The following LGALS8 variants were observed in gnomAD, a reference collection of about 807,000 sequenced individuals.
LGALS8 encodes the protein galectin-8.
LGALS8 carries 30 observed loss-of-function variants against 35.9 expected under a neutral mutation model. The ratio of observed to expected loss-of-function variants is 0.83; its 90% CI spans 0.62 to 1.13. The LOEUF is 1.13. Ranked by LOEUF, LGALS8 falls within the 50% of genes most tolerant of loss-of-function variation. The pLI is 0.00. For synonymous variants in LGALS8, 138 were observed against 136.1 expected (o/e 1.01, Z -0.10); for missense variants, 366 against 388.7 (o/e 0.94, Z 0.49).
chr1:236,551,853 T>C lies in LGALS8; in HGVS notation c.*3692T>C. 2 of 603,200 alleles carry C rather than the reference T, an allele frequency of 3.3e-6. No homozygotes were observed. The highest frequency in any genetic ancestry group is 5.8e-6 in the Non-Finnish European group (2 of 342,504). The allele number at this position is 603,200 out of a possible 1,614,324, so 37.4% of individuals were successfully genotyped here. A position where few individuals can be genotyped will look rare whatever the true frequency, so the allele number is the denominator to read the frequency against. ...AAACAGGAGCTCGAGCCTGCCTGTA[T>C]TTGAGACTGGAGCTGCCTGTATGAG... is the stretch of plus-strand genomic sequence containing the variant. On this transcript the variant is annotated 3_prime_UTR_variant, in exon 10 of 10. Coordinates refer to ENST00000366584, the MANE Select transcript of LGALS8 (RefSeq NM_201544.4).
intron 2 of LGALS8, among the ~76,000 whole-genome samples, chr1:236,529,647 CTTT>C (rs780751484): frequency 9.4e-6 from 1 of 106,072 alleles, no homozygotes; most frequent in African/African-American, 3.6e-5. Context: ...TCTTTCTTCT[CTTT>C]TTTTTTTTTT....
At position 236,548,511 on chromosome 1, in the gene LGALS8, G is replaced by C. The variant is rs191806318; in HGVS notation, c.*350G>C. ...AGATTTTTTTTGGTAAAACTGTGAA[G>C]AGCTAGGATATATACTTGGTGAAAC... On this transcript the variant is annotated 3_prime_UTR_variant, in exon 10 of 10. Transcript: ENST00000366584. 3 of 272,478 alleles carry C rather than the reference G, an allele frequency of 1.1e-5. No homozygotes were observed. The highest frequency in any genetic ancestry group is 8.5e-5 in the South Asian group (1 of 11,732). The allele number at this position is 272,478 out of a possible 1,614,324, so 16.9% of individuals were successfully genotyped here. A position where few individuals can be genotyped will look rare whatever the true frequency, so the allele number is the denominator to read the frequency against.
chr1:236,542,431 G>A (rs1662061521), intron 6 of LGALS8: 1 of 340,102 alleles, frequency 2.9e-6, no homozygotes, highest in South Asian at 4.3e-5. Flanking sequence ...AGTGAGCCAT[G>A]ATTGAGCCAC....
intron 7 of LGALS8, chr1:236,542,998 T>A: frequency 6.2e-7 from 1 of 1,614,180 alleles, no homozygotes; most frequent in Admixed American, 1.7e-5. Flanking sequence ...TCAATCACAC[T>A]TTGACTTGCA....
upstream of LGALS8, among the ~76,000 whole-genome samples, chr1:236,518,654 A>G (rs1231727018): frequency 6.6e-6 from 1 of 152,044 alleles, no homozygotes; most frequent in Non-Finnish European, 1.5e-5. Flanking sequence ...TTGCTTTCAC[A>G]TATTTTTTTT....
chr1:236,525,908 G>C, intron 1 of LGALS8, 60 bp from the exon 2 acceptor site: 1 of 497,718 alleles, frequency 2.0e-6, no homozygotes. Flanking sequence ...TTTTAAAATA[G>C]GATATGAAGA....
chr1:236,544,165 C>T (rs1373379697), intron 8 of LGALS8, among the ~76,000 whole-genome samples: 1 of 152,140 alleles, frequency 6.6e-6, no homozygotes, highest in Non-Finnish European at 1.5e-5. Flanking sequence ...GTTGGCCAGG[C>T]TGGTCTGGAA....
intron 5 of LGALS8, 63 bp from the exon 6 acceptor site, chr1:236,541,588 ATAT>A (rs144376212): frequency 2.5e-6 from 2 of 798,644 alleles, no homozygotes; most frequent in East Asian, 3.0e-5. Context: ...TTATATGTCA[ATAT>A]AAAATATTTA....
Position 236,526,678 on chromosome 1 carries a change from C to G in LGALS8, c.45+563C>G, listed in dbSNP as rs1290764209. Among the ~76,000 whole-genome samples, 1 of 152,098 alleles carries G rather than the reference C, an allele frequency of 6.6e-6. No individual in the cohort carries two copies. Among genetic ancestry groups the G allele is most frequent in the African/African-American group, 2.4e-5 (1 of 41,402 alleles). On this transcript the variant is annotated intron_variant, in intron 2 of 9. Transcript: ENST00000366584. The surrounding 1 kb of genome is among the most constrained non-coding windows in gnomAD (Gnocchi z 4.6). ...CCCTGTAATCCTGAGCAGTAAAGAG[C>G]TTGTTTTAGTTTTATGTGGTGGTGA...
intron 9 of LGALS8, 61 bp from the exon 10 acceptor site, chr1:236,547,951 T>TAACA (rs1395828702): frequency 4.8e-6 from 7 of 1,463,142 alleles, no homozygotes; most frequent in East Asian, 4.5e-5. Context: ...CGTTAGCATG[T>TAACA]AACAAACACA....
chr1:236,525,389 A>G (rs1394159187), intron 1 of LGALS8: 1 of 144,650 alleles, frequency 6.9e-6, no homozygotes. Flanking sequence ...ATTAGTATTT[A>G]CCATTAATTA....
intron 6 of LGALS8, among the ~76,000 whole-genome samples, chr1:236,542,094 A>T (rs1460903358): frequency 6.6e-6 from 1 of 152,244 alleles, no homozygotes; most frequent in Non-Finnish European, 1.5e-5. Flanking sequence ...GGAGAAAGTG[A>T]GGTCTTACCG....
Position 236,548,657 on chromosome 1 carries a change from T to C in LGALS8, c.*496T>C, listed in dbSNP as rs1662563008. On this transcript the variant is annotated 3_prime_UTR_variant, in exon 10 of 10. Transcript: ENST00000366584. ...GGTCCTCTGGGATTAGTTATGCAGATATTAAATCACCCGAAGACACTAACT... is the reference window on the plus strand; with the variant it reads ...GGTCCTCTGGGATTAGTTATGCAGACATTAAATCACCCGAAGACACTAACT... 5.8e-6 allele frequency: 2 copies of C among 342,062 alleles called. No homozygotes were observed. The highest frequency in any genetic ancestry group is 5.2e-6 in the Non-Finnish European group (1 of 190,886). 21.2% of individuals were successfully genotyped at this position (342,062 alleles called of 1,614,324 possible).
rs186363220 is a variant in LGALS8, at chr1:236,537,855, T to A, written c.134+270T>A. ...ACTTAAACATACTTTTCCAGCACTTTGGGAGGCCAAGGCAGGAGGATTGTT... is the reference window on the plus strand; with the variant it reads ...ACTTAAACATACTTTTCCAGCACTTAGGGAGGCCAAGGCAGGAGGATTGTT... On this transcript the variant is annotated intron_variant, in intron 3 of 9. Coordinates refer to ENST00000366584, the MANE Select transcript of LGALS8 (RefSeq NM_201544.4). Among the ~76,000 whole-genome samples the A allele has an allele frequency of 3.3e-5, 5 of 151,282 alleles. No homozygotes were observed. In the East Asian group the frequency reaches 9.7e-4, roughly 29 times the overall value.
chr1:236,549,024 A>T lies in LGALS8; in HGVS notation c.*863A>T. On this transcript the variant is annotated 3_prime_UTR_variant, in exon 10 of 10. Coordinates refer to ENST00000366584, the MANE Select transcript of LGALS8 (RefSeq NM_201544.4). ...GATGCATTCAATTTGAAAGATATTT[A>T]TGGGCAACAAAGTAAGGTCAGGATT... 1 of 398,632 alleles carries T rather than the reference A, an allele frequency of 2.5e-6. No individual in the cohort carries two copies. Among genetic ancestry groups the T allele is most frequent in the Non-Finnish European group, 4.4e-6 (1 of 226,046 alleles). The allele number at this position is 398,632 out of a possible 1,614,324, so 24.7% of individuals were successfully genotyped here. A position where few individuals can be genotyped will look rare whatever the true frequency, so the allele number is the denominator to read the frequency against.
intron 2 of LGALS8, chr1:236,536,339 T>C (rs1301424913): frequency 1.3e-5 from 2 of 152,278 alleles, no homozygotes; most frequent in African/African-American, 2.4e-5. Flanking sequence ...ATGGTTGTGA[T>C]GCAGGAGAGG....
intron 1 of LGALS8, 114 bp downstream of exon 1, chr1:236,524,175 A>G (rs1242485345): frequency 4.4e-6 from 2 of 456,262 alleles, no homozygotes; most frequent in South Asian, 3.1e-5. Flanking sequence ...CTAAATCACC[A>G]TTTGATGGGT....
chr1:236,526,034 A>G lies in LGALS8; in HGVS notation c.-37A>G, dbSNP rs1331479159. 3 of 1,583,530 alleles carry G rather than the reference A, an allele frequency of 1.9e-6. No individual in the cohort carries two copies. In the South Asian group the frequency reaches 3.3e-5, roughly 18 times the overall value. On this transcript the variant is annotated 5_prime_UTR_variant, in exon 2 of 10. Transcript: ENST00000366584. The surrounding 1 kb of genome is among the most constrained non-coding windows in gnomAD (Gnocchi z 4.6). ...ACTTGCCTAAAATCTTAGGTCATAC[A>G]CAGAAGAGACTCCAATCGACAAGAA...
rs535541594 is a variant in LGALS8 at position 236,543,482 on chromosome 1, T to G, written c.550-78T>G. On this transcript the variant is annotated intron_variant, in intron 7 of 9. Transcript: ENST00000366584. ...AGGGTCATGGCTCTGAAACATTCCG[T>G]AGTGTTCTTTGGACACGAGTTTTCC... 1.8e-4 allele frequency: 186 copies of G among 1,033,534 alleles called. No homozygotes were observed. In the African/African-American group the frequency reaches 2.1e-3, roughly 12 times the overall value. The allele number at this position is 1,033,534 out of a possible 1,614,324, so 64.0% of individuals were successfully genotyped here.
Sources: allele counts gnomAD v4.1 joint callset (sites outside exome capture counted in the v4.1 genomes callset), GRCh38; gene constraint gnomAD v4.1.1; non-coding constraint Gnocchi (gnomAD v3.1); transcripts MANE v1.5; gene names NCBI Gene and HGNC (gene_info 2026-07-23, HGNC 2026-07-21).